The following PRMT8 variants were observed in gnomAD, a reference collection of about 807,000 sequenced individuals.
The protein encoded by PRMT8 is protein arginine N-methyltransferase 8.
In PRMT8, 7 loss-of-function variants were observed where a neutral mutation model predicts 47.1. The ratio of observed to expected loss-of-function variants is 0.15; its 90% CI spans 0.08 to 0.28. The LOEUF (loss-of-function observed/expected upper bound fraction) is 0.28. Among genes scored for constraint, PRMT8 ranks in the 10% least tolerant of loss-of-function variants. The pLI is 1.00. For missense variants in PRMT8, 237 were observed against 505.4 expected, an observed-to-expected ratio of 0.47 and a Z score of 5.09; for synonymous variants, 188 against 186.5, an observed-to-expected ratio of 1.01 and a Z score of -0.07.
chr12:3,392,622 T>C (rs1194985689), intron 1 of PRMT8, among the ~76,000 whole-genome samples: 2 of 151,738 alleles, frequency 1.3e-5, no homozygotes, highest in Non-Finnish European at 2.9e-5. Context: ...TGTTGGACAT[T>C]TGGGTTGGTT....
chr12:3,402,901 T>C (rs994952610), intron 1 of PRMT8, among the ~76,000 whole-genome samples: 3 of 152,172 alleles, frequency 2.0e-5, no homozygotes, highest in Non-Finnish European at 2.9e-5. Context: ...TTGTGGAAGA[T>C]AGTGTGACAA....
chr12:3,530,067 C>T (rs568840141), intron 1 of PRMT8, among the ~76,000 whole-genome samples: 3 of 152,268 alleles, frequency 2.0e-5, no homozygotes, highest in East Asian at 3.9e-4. Flanking sequence ...CCTTATCTCC[C>T]AGGAGATAAG....
upstream of PRMT8, chr12:3,491,117 C>A (rs1421789758): frequency 9.2e-6 from 9 of 981,860 alleles, no homozygotes; most frequent in Non-Finnish European, 1.1e-5. Context: ...CGGTCTGCGC[C>A]CAGCCGCCGC....
At chr12:3,515,343 T>A (rs969629706) in intron 1 of PRMT8, among the ~76,000 whole-genome samples, 3 of 152,146 alleles carry the variant, frequency 2.0e-5, no homozygotes, top group African/African-American at 7.2e-5. Flanking sequence ...GCCAGTAGCA[T>A]CAGCGTCACC....
chr12:3,421,969 C>G lies in PRMT8; in HGVS notation c.48+40527C>G, dbSNP rs879579836. Among the ~76,000 whole-genome samples the G allele has an allele frequency of 3.3e-5, 5 of 152,292 alleles. No homozygotes were observed. In the East Asian group the frequency reaches 9.7e-4, roughly 29 times the overall value. ...TCCAGCTCTGGGCAGCATGGCCCCCCTCCTCAGTGCACTCCCAGGGGCCAG... is the reference window on the plus strand; with the variant it reads ...TCCAGCTCTGGGCAGCATGGCCCCCGTCCTCAGTGCACTCCCAGGGGCCAG... On this transcript the variant is annotated intron_variant, in intron 1 of 9. Transcript: ENST00000452611.
rs1565405140 is a variant in PRMT8 at position 3,428,367 on chromosome 12, AATG to A, written c.48+46929_48+46931del. Among the ~76,000 whole-genome samples the A allele has an allele frequency of 2.0e-5, 3 of 151,868 alleles. No individual in the cohort carries two copies. The South Asian group carries it at 6.2e-4, about 32-fold the overall frequency. ...TTCTGAACTGGTGAGCTGTGCTGAC[AATG>A]ATGTTTCCTCTAAAAGTTATTTTTC... On this transcript the variant is annotated intron_variant, in intron 1 of 9. Coordinates refer to the PRMT8 transcript ENST00000452611.
At chr12:3,401,366 T>G (rs1012782323) in intron 1 of PRMT8, among the ~76,000 whole-genome samples, 22 of 152,024 alleles carry the variant, frequency 1.4e-4, no homozygotes, top group African/African-American at 5.3e-4. Flanking sequence ...ACAGCCAATG[T>G]CATACTGAAT....
intron 4 of PRMT8, among the ~76,000 whole-genome samples, chr12:3,555,368 GGT>G (rs1226373404): frequency 1.3e-5 from 2 of 152,202 alleles, no homozygotes; most frequent in Non-Finnish European, 2.9e-5. Context: ...GGCTGACAAA[GGT>G]GAGGGGAAGA....
intron 1 of PRMT8, among the ~76,000 whole-genome samples, chr12:3,523,797 T>C (rs74361106): frequency 0.011 from 1,656 of 152,340 alleles, 23 homozygotes; most frequent in East Asian, 0.057. Context: ...ATCATTGCTC[T>C]TTCCTGCCTT....
At chr12:3,439,380 T>C (rs1864775356) in intron 1 of PRMT8, among the ~76,000 whole-genome samples, 1 of 152,168 alleles carries the variant, frequency 6.6e-6, no homozygotes, top group South Asian at 2.1e-4. Flanking sequence ...CAGAATGGGC[T>C]GTCAGTCATG....
At chr12:3,442,338 TA>T (rs879468451) in intron 1 of PRMT8, among the ~76,000 whole-genome samples, 12 of 146,196 alleles carry the variant, frequency 8.2e-5, no homozygotes, top group Admixed American at 4.1e-4. Context: ...TGAGAAAGAA[TA>T]AAAAAAAAAC....
chr12:3,454,635 A>AG (rs368406207), intron 1 of PRMT8, among the ~76,000 whole-genome samples: 18 of 152,246 alleles, frequency 1.2e-4, no homozygotes, highest in African/African-American at 4.3e-4. Context: ...CAGCACTCCC[A>AG]GTGAAACCAC....
At chr12:3,401,124 A>T (rs987235054) in intron 1 of PRMT8, among the ~76,000 whole-genome samples, 2 of 147,410 alleles carry the variant, frequency 1.4e-5, no homozygotes, top group Non-Finnish European at 3.0e-5. Flanking sequence ...TCCAGCCTGG[A>T]CAACAAGAGC....
intron 1 of PRMT8, among the ~76,000 whole-genome samples, chr12:3,400,912 C>T (rs1239974129): frequency 3.9e-5 from 6 of 151,900 alleles, no homozygotes; most frequent in African/African-American, 9.7e-5. Flanking sequence ...TTTGGGAGGC[C>T]GAGGTGGGTA....
chr12:3,544,354 G>A (rs1186314968), intron 2 of PRMT8, among the ~76,000 whole-genome samples: 2 of 152,216 alleles, frequency 1.3e-5, no homozygotes, highest in Non-Finnish European at 2.9e-5. Flanking sequence ...GGGACCTCCA[G>A]GAAAGGAGAC....
chr12:3,421,942 G>T (rs2137061964), intron 1 of PRMT8, among the ~76,000 whole-genome samples: 1 of 152,178 alleles, frequency 6.6e-6, no homozygotes, highest in East Asian at 1.9e-4. Flanking sequence ...ACTGGGGTGG[G>T]CTCCAGCTCT....
intron 1 of PRMT8, among the ~76,000 whole-genome samples, chr12:3,446,618 T>A (rs558305377): frequency 6.6e-6 from 1 of 152,282 alleles, no homozygotes; most frequent in East Asian, 1.9e-4. Context: ...CAGCTGTGTG[T>A]CATATAGGTT....
At chr12:3,537,710 C>G (rs1178606840) in intron 1 of PRMT8, among the ~76,000 whole-genome samples, 1 of 152,152 alleles carries the variant, frequency 6.6e-6, no homozygotes, top group East Asian at 1.9e-4. Context: ...GATTCCAGCT[C>G]CTCTCTCTTC....
At position 3,566,369 on chromosome 12, in the gene PRMT8, C is replaced by T. The variant is rs1009317345; in HGVS notation, c.482-2337C>T. Among the ~76,000 whole-genome samples the T allele has an allele frequency of 2.6e-5, 4 of 152,160 alleles. No individual in the cohort carries two copies. The highest frequency in any genetic ancestry group is 9.7e-5 in the African/African-American group (4 of 41,426). On this transcript the variant is annotated intron_variant, in intron 4 of 9. Transcript: ENST00000382622. This position sits in a 1 kb window ranked among gnomAD's most constrained non-coding sequence, Gnocchi z 4.7. ...GAAACTTCAACACCTACCCCTCCCACTCCCACCAAAACTTTTGGAGAATAG... is the reference window on the plus strand; with the variant it reads ...GAAACTTCAACACCTACCCCTCCCATTCCCACCAAAACTTTTGGAGAATAG...
Sources: gnomAD v4.1 joint callset for allele counts (sites outside exome capture counted in the v4.1 genomes callset) on GRCh38, gnomAD v4.1.1 for gene constraint, Gnocchi (gnomAD v3.1) non-coding constraint, MANE v1.5 for transcripts, NCBI Gene and HGNC (gene_info 2026-07-23, HGNC 2026-07-21) for gene names.